FAM83B: variants seen among roughly 807,000 people sequenced by gnomAD.
FAM83B encodes the protein scaffolding CK1 anchoring protein B.
A neutral mutation model predicts 38.8 loss-of-function variants in FAM83B; 26 were observed. The ratio of observed to expected loss-of-function variants is 0.67; its 90% CI spans 0.49 to 0.93. The LOEUF is 0.93. Ranked by LOEUF, FAM83B falls within the 40% of genes least tolerant of loss-of-function variation. The probability of loss-of-function intolerance (pLI) is 0.00; values close to 1 mark genes in which losing one functional copy is unlikely to be tolerated. For synonymous variants in FAM83B, 419 were observed against 423.1 expected (o/e 0.99, Z 0.12); for missense variants, 1,237 against 1,197.3 (o/e 1.03, Z -0.49).
chr6:54,886,016 C>T (rs1397871368), intron 2 of FAM83B, among the ~76,000 whole-genome samples: 2 of 151,800 alleles, frequency 1.3e-5, no homozygotes, highest in Non-Finnish European at 2.9e-5. Flanking sequence ...AAGTTCTATT[C>T]TTAAAGAGTT....
chr6:54,874,356 TG>T (rs1718020494), intron 2 of FAM83B, among the ~76,000 whole-genome samples: 1 of 152,194 alleles, frequency 6.6e-6, no homozygotes. Context: ...ATCTTACTTG[TG>T]CCCTAAAGGG....
intron 2 of FAM83B, among the ~76,000 whole-genome samples, chr6:54,897,172 C>T (rs1772557379): frequency 6.6e-6 from 1 of 151,426 alleles, no homozygotes; most frequent in Non-Finnish European, 1.5e-5. Context: ...CTGGGGACAG[C>T]TTTACCAGCT....
chr6:54,941,682 C>A lies in FAM83B; in HGVS notation c.2711C>A (p.Ala904Glu). Residue 904 changes from alanine to glutamate, a missense_variant, in exon 5 of 5, where the codon GCA (alanine) becomes GAA (glutamate). By Grantham distance (107) the Ala-to-Glu change is moderately radical. Coordinates refer to ENST00000306858, the MANE Select transcript of FAM83B (RefSeq NM_001010872.3). ...TACCGAGATTCAAGGGAGATTAATG[C>A]AGTTGTTACCCCTGAAAGAAGACCT... Reference protein sequence around the residue: ...IQYRDSREINAVVTPERRPTS... With the variant: ...IQYRDSREINEVVTPERRPTS... 3.7e-6 allele frequency: 6 copies of A among 1,614,084 alleles called. No individual in the cohort carries two copies. Among genetic ancestry groups the A allele is most frequent in the Non-Finnish European group, 5.1e-6 (6 of 1,180,010 alleles).
chr6:54,877,512 A>G (rs115120576), intron 2 of FAM83B, among the ~76,000 whole-genome samples: 4,031 of 152,312 alleles, frequency 0.026, 92 homozygotes, highest in Non-Finnish European at 0.036. Context: ...TTATTGATTT[A>G]TTTAACTAGT....
At chr6:54,912,087 A>C (rs1303440784) in intron 2 of FAM83B, among the ~76,000 whole-genome samples, 1 of 151,836 alleles carries the variant, frequency 6.6e-6, no homozygotes, top group Non-Finnish European at 1.5e-5. Context: ...TATGTTTATA[A>C]CTTAACTGTC....
At chr6:54,846,987 G>A (rs968357465) in intron 1 of FAM83B, among the ~76,000 whole-genome samples, 161 bp downstream of exon 1, 4 of 152,206 alleles carry the variant, frequency 2.6e-5, no homozygotes, top group Non-Finnish European at 5.9e-5. Flanking sequence ...GGGAGCGCAG[G>A]CGGGATTGGA....
intron 2 of FAM83B, among the ~76,000 whole-genome samples, chr6:54,902,750 G>A (rs1026881347): frequency 2.0e-5 from 3 of 151,364 alleles, no homozygotes; most frequent in African/African-American, 7.4e-5. Flanking sequence ...CACATAACCT[G>A]TAACTCAGTC....
At chr6:54,860,913 G>A (rs1771567818) in intron 1 of FAM83B, among the ~76,000 whole-genome samples, 1 of 152,152 alleles carries the variant, frequency 6.6e-6, no homozygotes, top group African/African-American at 2.4e-5. Flanking sequence ...AGACCTCCCT[G>A]AGCGCTGACT....
chr6:54,928,913 A>G (rs1773365591), intron 4 of FAM83B, among the ~76,000 whole-genome samples: 1 of 152,058 alleles, frequency 6.6e-6, no homozygotes, highest in African/African-American at 2.4e-5. Context: ...GCTACTTTTG[A>G]TTAATGTGGG....
intron 2 of FAM83B, among the ~76,000 whole-genome samples, chr6:54,907,744 G>A (rs239827): frequency 0.18 from 26,608 of 151,898 alleles, 2,500 homozygotes; most frequent in Middle Eastern, 0.27. Flanking sequence ...TTCCATGCGA[G>A]GTTCTGGTTA....
intron 1 of FAM83B, among the ~76,000 whole-genome samples, chr6:54,853,680 C>T (rs1771365730): frequency 6.6e-6 from 1 of 152,192 alleles, no homozygotes; most frequent in African/African-American, 2.4e-5. Flanking sequence ...TGCTTATAGA[C>T]TGTGCACCTG....
intron 4 of FAM83B, among the ~76,000 whole-genome samples, chr6:54,938,820 T>C (rs1249861008): frequency 6.6e-6 from 1 of 152,196 alleles, no homozygotes; most frequent in East Asian, 1.9e-4. Context: ...GGGCTGTCTG[T>C]TTACTCTGCT....
intron 2 of FAM83B, among the ~76,000 whole-genome samples, chr6:54,914,646 A>T (rs1325473188): frequency 6.6e-6 from 1 of 152,172 alleles, no homozygotes; most frequent in African/African-American, 2.4e-5. Flanking sequence ...AAAAATGTCA[A>T]CTTCAAGTTT....
intron 4 of FAM83B, among the ~76,000 whole-genome samples, chr6:54,937,821 C>G (rs765236089): frequency 6.6e-6 from 1 of 152,012 alleles, no homozygotes; most frequent in African/African-American, 2.4e-5. Flanking sequence ...TTTTATGCCA[C>G]GAAGTTTTGA....
intron 2 of FAM83B, among the ~76,000 whole-genome samples, chr6:54,884,559 T>G (rs1306710022): frequency 6.6e-6 from 1 of 152,086 alleles, no homozygotes; most frequent in Non-Finnish European, 1.5e-5. Flanking sequence ...TCTAGATGTT[T>G]TATTTTGTCT....
At chr6:54,877,447 C>T (rs13212537) in intron 2 of FAM83B, among the ~76,000 whole-genome samples, 2,426 of 152,216 alleles carry the variant, frequency 0.016, 34 homozygotes, top group Middle Eastern at 0.082. Context: ...AAGGATTCTG[C>T]CTGCTGTCTT....
chr6:54,875,075 G>A (rs1045731992), intron 2 of FAM83B, among the ~76,000 whole-genome samples: 3 of 152,102 alleles, frequency 2.0e-5, no homozygotes, highest in African/African-American at 4.8e-5. Flanking sequence ...TCTAACTAGC[G>A]TGGCATTAAA....
intron 2 of FAM83B, among the ~76,000 whole-genome samples, chr6:54,892,228 C>G (rs1421667215): frequency 6.6e-6 from 1 of 151,980 alleles, no homozygotes; most frequent in South Asian, 2.1e-4. Flanking sequence ...ACCTGCCTTT[C>G]TAGATTTAAC....
chr6:54,932,501 C>A (rs1773445043), intron 4 of FAM83B, among the ~76,000 whole-genome samples: 1 of 152,142 alleles, frequency 6.6e-6, no homozygotes, highest in African/African-American at 2.4e-5. Flanking sequence ...CATTTAAATT[C>A]TATGAACCAC....
Sources: allele counts gnomAD v4.1 joint callset (sites outside exome capture counted in the v4.1 genomes callset), GRCh38; gene constraint gnomAD v4.1.1; transcripts MANE v1.5; gene names NCBI Gene and HGNC (gene_info 2026-07-23, HGNC 2026-07-21).